ATP2B2: variants seen among roughly 807,000 people sequenced by gnomAD.
The protein encoded by ATP2B2 is plasma membrane calcium-transporting ATPase 2.
A neutral mutation model predicts 120.0 loss-of-function variants in ATP2B2; 15 were observed. That is an observed-to-expected ratio of 0.12 (90% CI 0.08 to 0.19). The LOEUF (loss-of-function observed/expected upper bound fraction) is 0.19. Among genes scored for constraint, ATP2B2 ranks in the 10% least tolerant of loss-of-function variants. ATP2B2 has a pLI of 1.00. For synonymous variants in ATP2B2, 694 were observed against 700.3 expected (o/e 0.99, Z 0.14); for missense variants, 1,045 against 1,719.8 (o/e 0.61, Z 6.94).
chr3:10,572,565 A>C (rs1188400297), intron 2 of ATP2B2, among the ~76,000 whole-genome samples: 1 of 152,244 alleles, frequency 6.6e-6, no homozygotes, highest in African/African-American at 2.4e-5. Context: ...GGCACATACG[A>C]AGCACTTAGT....
intron 3 of ATP2B2, among the ~76,000 whole-genome samples, chr3:10,532,667 A>G (rs2067234533): frequency 6.6e-6 from 1 of 152,192 alleles, no homozygotes; most frequent in Admixed American, 6.5e-5. Flanking sequence ...CAATTATGTA[A>G]TGTGTTTGGA....
chr3:10,330,413 T>A (rs1574919309), intron 22 of ATP2B2: 1 of 152,866 alleles, frequency 6.5e-6, no homozygotes, highest in East Asian at 1.9e-4. Flanking sequence ...AAGAGAGGTG[T>A]CCCTTCTCTG....
rs573711645 is a variant in ATP2B2, at chr3:10,328,121, TTATATATA to T, written c.*685_*692del. On this transcript the variant is annotated 3_prime_UTR_variant, in exon 23 of 23. Coordinates refer to ENST00000360273, the MANE Select transcript of ATP2B2 (RefSeq NM_001001331.4). ...ACTTTATATATCCATGTATATATATTTATATATATATATATATATCTACCTATCTATAT... is the reference window on the plus strand; with the variant it reads ...ACTTTATATATCCATGTATATATATTTATATATATATCTACCTATCTATAT... The T allele has an allele frequency of 1.4e-5, 2 of 145,968 alleles. No homozygotes were observed. The highest frequency in any genetic ancestry group is 4.3e-4 in the South Asian group (2 of 4,696). 9.0% of individuals were successfully genotyped at this position (145,968 alleles called of 1,614,324 possible).
At chr3:10,365,552 G>A (rs1421357026) in intron 12 of ATP2B2, among the ~76,000 whole-genome samples, 1 of 152,068 alleles carries the variant, frequency 6.6e-6, no homozygotes, top group Non-Finnish European at 1.5e-5. Context: ...CTCCGGGAGA[G>A]TAGACCCCAG....
chr3:10,562,651 A>G (rs982759643), intron 2 of ATP2B2, among the ~76,000 whole-genome samples: 3 of 152,240 alleles, frequency 2.0e-5, no homozygotes, highest in African/African-American at 7.2e-5. Context: ...CAGGAGGACT[A>G]GGAATTTTTG....
At chr3:10,607,819 T>A (rs971848649) in intron 2 of ATP2B2, among the ~76,000 whole-genome samples, 1 of 152,188 alleles carries the variant, frequency 6.6e-6, no homozygotes, top group African/African-American at 2.4e-5. Flanking sequence ...ATGATAAATC[T>A]GGCATTGACT....
At chr3:10,506,241 C>T (rs2066621704), upstream of ATP2B2, among the ~76,000 whole-genome samples, 1 of 152,132 alleles carries the variant, frequency 6.6e-6, no homozygotes, top group Admixed American at 6.5e-5. Flanking sequence ...AAGCGCTACC[C>T]CTGCGACCCG....
intron 3 of ATP2B2, among the ~76,000 whole-genome samples, chr3:10,518,750 G>C (rs893403604): frequency 6.6e-6 from 1 of 152,214 alleles, no homozygotes; most frequent in Non-Finnish European, 1.5e-5. Context: ...TTCTTTGAAA[G>C]CTCCTTTCAC....
intron 1 of ATP2B2, among the ~76,000 whole-genome samples, chr3:10,707,754 G>A (rs903775512): frequency 6.6e-6 from 1 of 151,690 alleles, no homozygotes; most frequent in Admixed American, 6.5e-5. Context: ...CCTCCGCGGG[G>A]CGAAGGGACC....
intron 1 of ATP2B2, among the ~76,000 whole-genome samples, chr3:10,486,906 G>A (rs2065700218): frequency 6.6e-6 from 1 of 152,078 alleles, no homozygotes; most frequent in Non-Finnish European, 1.5e-5. Flanking sequence ...TTTTAGTAGA[G>A]ATGGGGTTTC....
intron 5 of ATP2B2, among the ~76,000 whole-genome samples, chr3:10,396,220 A>G (rs892695509): frequency 2.6e-5 from 4 of 152,254 alleles, no homozygotes; most frequent in African/African-American, 9.6e-5. Flanking sequence ...TCACAACCGC[A>G]GGGTTTGTTT....
chr3:10,495,734 T>A (rs2066120160), intron 1 of ATP2B2, among the ~76,000 whole-genome samples: 2 of 152,206 alleles, frequency 1.3e-5, no homozygotes, highest in South Asian at 4.1e-4. Flanking sequence ...ACTCCCTGAG[T>A]GCAGGAGTGG....
chr3:10,555,758 G>A (rs914270200), intron 2 of ATP2B2, among the ~76,000 whole-genome samples: 3 of 152,200 alleles, frequency 2.0e-5, no homozygotes, highest in Non-Finnish European at 4.4e-5. Context: ...GGTCCAGAGT[G>A]AGCATGCAGC....
intron 1 of ATP2B2, among the ~76,000 whole-genome samples, chr3:10,492,181 T>C (rs1031027966): frequency 2.0e-5 from 3 of 151,838 alleles, no homozygotes; most frequent in Admixed American, 6.6e-5. Flanking sequence ...ACCCTGTGGG[T>C]TGGGGACACA....
chr3:10,636,375 G>A (rs1354166307), intron 1 of ATP2B2, among the ~76,000 whole-genome samples: 6 of 152,114 alleles, frequency 3.9e-5, no homozygotes, highest in Admixed American at 2.6e-4. Context: ...TCCTTCCTGG[G>A]CTGCAGGAGG....
intron 1 of ATP2B2, among the ~76,000 whole-genome samples, chr3:10,677,581 T>G (rs1444971458): frequency 6.6e-6 from 1 of 152,154 alleles, no homozygotes; most frequent in Non-Finnish European, 1.5e-5. Context: ...CCATCCATTG[T>G]AATACATATA....
intron 2 of ATP2B2, among the ~76,000 whole-genome samples, chr3:10,596,666 C>T (rs1168497280): frequency 6.6e-6 from 1 of 152,224 alleles, no homozygotes; most frequent in Non-Finnish European, 1.5e-5. Flanking sequence ...TTGTGAATTC[C>T]TTGGCGTTTG....
Position 10,449,609 on chromosome 3 carries a change from T to C in ATP2B2, c.-66A>G. The C allele has an allele frequency of 6.4e-7, 1 of 1,572,280 alleles. No homozygotes were observed. The highest frequency in any genetic ancestry group is 8.7e-7 in the Non-Finnish European group (1 of 1,143,792). ...CGCTGGACAAGAGGCTGCCGGGTGA[T>C]GGCTGCTTGTGGCTGTCCTCAGCAC... On this transcript the variant is annotated 5_prime_UTR_variant, in exon 2 of 23. Coordinates refer to ENST00000360273, the MANE Select transcript of ATP2B2 (RefSeq NM_001001331.4).
At chr3:10,425,857 GC>G (rs1300925862) in intron 2 of ATP2B2, among the ~76,000 whole-genome samples, 1 of 152,212 alleles carries the variant, frequency 6.6e-6, no homozygotes, top group Non-Finnish European at 1.5e-5. Flanking sequence ...CTACCCTGCA[GC>G]CAGAGGGACA....
Sources: allele counts gnomAD v4.1 joint callset (sites outside exome capture counted in the v4.1 genomes callset), GRCh38; gene constraint gnomAD v4.1.1; transcripts MANE v1.5; gene names NCBI Gene and HGNC (gene_info 2026-07-23, HGNC 2026-07-21).